PDE5A: variants seen among roughly 807,000 people sequenced by gnomAD.
PDE5A encodes the protein cGMP-specific 3',5'-cyclic phosphodiesterase.
A neutral mutation model predicts 110.2 loss-of-function variants in PDE5A; 67 were observed. The ratio of observed to expected loss-of-function variants is 0.61; its 90% CI spans 0.50 to 0.75. The LOEUF (loss-of-function observed/expected upper bound fraction) is 0.75, where lower values mean the gene tolerates loss of function less well. Among genes scored for constraint, PDE5A ranks in the 30% least tolerant of loss-of-function variants. The pLI, the probability that PDE5A is intolerant of heterozygous loss-of-function variation, is 0.00. For synonymous variants in PDE5A, 328 were observed against 351.2 expected (o/e 0.93, Z 0.74); for missense variants, 862 against 1,045.1 (o/e 0.82, Z 2.42).
chr4:119,583,758 T>A (rs1578799180), intron 3 of PDE5A, among the ~76,000 whole-genome samples: 1 of 152,142 alleles, frequency 6.6e-6, no homozygotes, highest in Admixed American at 6.5e-5. Flanking sequence ...GTGAAAGCTT[T>A]GGTGAAGTAT....
intron 14 of PDE5A, among the ~76,000 whole-genome samples, chr4:119,517,592 T>C (rs1243853913): frequency 6.9e-6 from 1 of 144,842 alleles, no homozygotes; most frequent in East Asian, 2.1e-4. Flanking sequence ...GATGTTTTCT[T>C]TTTCTTTTTC....
Position 119,615,172 on chromosome 4 carries a change from A to G in PDE5A, c.153-7875T>C, listed in dbSNP as rs1455328307. On this transcript the variant is annotated intron_variant, in intron 1 of 20. Coordinates refer to ENST00000354960, the MANE Select transcript of PDE5A (RefSeq NM_001083.4). ...CCACAGTTTGCAGTATGAATAGGAC[A>G]AGAAGTGGTCCTTGGGTCTGTCAAC... Among the ~76,000 whole-genome samples, 4 of 152,192 alleles carry G rather than the reference A, an allele frequency of 2.6e-5. No homozygotes were observed. In the South Asian group the frequency reaches 8.3e-4, roughly 32 times the overall value.
rs199811295 is a variant in PDE5A at position 119,511,097 on chromosome 4, T to C, written c.2038A>G (p.Ile680Val). Residue 680 changes from isoleucine (I) to valine (V), a missense_variant, in exon 15 of 21, where the codon ATC becomes GTC. Physicochemically the swap from Ile to Val is conservative, Grantham distance 29 (BLOSUM62 3). Transcript: ENST00000354960. ...TGGTCAAAATGATGGTGTTCCATGA[T>C]TGAATGGCAGTAAAGCTGGGCAAGT... ...HPLAQLYCHS[I>V]MEHHHFDQCL... 12 of 1,610,834 alleles carry C rather than the reference T, an allele frequency of 7.4e-6. No individual in the cohort carries two copies. Among genetic ancestry groups the C allele is most frequent in the East Asian group, 2.2e-5 (1 of 44,834 alleles).
chr4:119,627,167 G>C lies in PDE5A; in HGVS notation c.152+1353C>G. The C allele has an allele frequency of 6.2e-7, 1 of 1,613,172 alleles. No individual in the cohort carries two copies. Among genetic ancestry groups the C allele is most frequent in the South Asian group, 1.1e-5 (1 of 90,944 alleles). On this transcript the variant is annotated intron_variant, in intron 1 of 20. Coordinates refer to ENST00000354960, the MANE Select transcript of PDE5A (RefSeq NM_001083.4). The surrounding 1 kb of genome is among the most constrained non-coding windows in gnomAD (Gnocchi z 4.6). Reference sequence around the variant, plus strand: ...GGAAGTACCTTGTTTTGTCTCCAAAGGGCAACATAGCAAACGTGGGAAGTT... The same window carrying C: ...GGAAGTACCTTGTTTTGTCTCCAAACGGCAACATAGCAAACGTGGGAAGTT...
intron 7 of PDE5A, among the ~76,000 whole-genome samples, chr4:119,555,155 G>T (rs532767211): frequency 6.6e-6 from 1 of 151,840 alleles, no homozygotes; most frequent in South Asian, 2.1e-4. Flanking sequence ...AAATATTTCA[G>T]TCTTCCCTTT....
At chr4:119,575,661 T>A (rs1425680596) in intron 3 of PDE5A, among the ~76,000 whole-genome samples, 1 of 152,186 alleles carries the variant, frequency 6.6e-6, no homozygotes, top group Non-Finnish European at 1.5e-5. Context: ...CCACCAGGCC[T>A]GCCCTACAAG....
intron 13 of PDE5A, 102 bp from the exon 14 acceptor site, chr4:119,519,241 T>C (rs1726029564): frequency 1.3e-6 from 1 of 790,242 alleles, no homozygotes; most frequent in Non-Finnish European, 2.2e-6. Flanking sequence ...CCTCAGTGCT[T>C]TACATACATA....
At chr4:119,517,242 A>G (rs1055348908) in intron 14 of PDE5A, 1 of 151,498 alleles carries the variant, frequency 6.6e-6, no homozygotes, top group Non-Finnish European at 1.5e-5. Flanking sequence ...TTATTTTTTG[A>G]TTTTCTCTAA....
At chr4:119,622,007 A>T (rs533102946) in intron 1 of PDE5A, among the ~76,000 whole-genome samples, 2 of 150,816 alleles carry the variant, frequency 1.3e-5, no homozygotes, top group Non-Finnish European at 3.0e-5. Flanking sequence ...CATCTCCAAT[A>T]AAAAAAAATA....
chr4:119,515,194 A>C (rs1049482140), intron 14 of PDE5A, among the ~76,000 whole-genome samples: 1 of 152,146 alleles, frequency 6.6e-6, no homozygotes, highest in Non-Finnish European at 1.5e-5. Flanking sequence ...AAGATCTCCA[A>C]CCTGACCAGA....
chr4:119,575,211 T>G (rs138837790), intron 3 of PDE5A, among the ~76,000 whole-genome samples: 2,285 of 152,320 alleles, frequency 0.015, 60 homozygotes, highest in African/African-American at 0.052. Flanking sequence ...TATGTCTGAC[T>G]GGTGTACCTG....
At chr4:119,563,894 C>T (rs1344563751) in intron 5 of PDE5A, among the ~76,000 whole-genome samples, 1 of 151,878 alleles carries the variant, frequency 6.6e-6, no homozygotes, top group Non-Finnish European at 1.5e-5. Flanking sequence ...CTTATTAACA[C>T]AGATTCTAAA....
At chr4:119,621,769 C>T (rs1351502726) in intron 1 of PDE5A, among the ~76,000 whole-genome samples, 4 of 152,206 alleles carry the variant, frequency 2.6e-5, no homozygotes, top group African/African-American at 9.7e-5. Context: ...TGCATCAATT[C>T]TCTATGGGTT....
At chr4:119,595,901 T>C (rs1044510340) in intron 3 of PDE5A, among the ~76,000 whole-genome samples, 68 of 152,210 alleles carry the variant, frequency 4.5e-4, no homozygotes, top group Non-Finnish European at 1.9e-4. Flanking sequence ...TTGGTTGTAA[T>C]ACACAGTCAG....
At chr4:119,516,102 T>G (rs945435762) in intron 14 of PDE5A, among the ~76,000 whole-genome samples, 1 of 152,234 alleles carries the variant, frequency 6.6e-6, no homozygotes, top group Non-Finnish European at 1.5e-5. Flanking sequence ...ATATTTATCC[T>G]TTCTCCTTTC....
At chr4:119,568,030 C>A (rs984315175) in intron 3 of PDE5A, among the ~76,000 whole-genome samples, 2 of 152,068 alleles carry the variant, frequency 1.3e-5, no homozygotes, top group African/African-American at 4.8e-5. Flanking sequence ...AGTATCTTAG[C>A]TTTAAGAAAA....
chr4:119,552,920 A>G (rs1399218692), intron 8 of PDE5A, among the ~76,000 whole-genome samples: 1 of 152,080 alleles, frequency 6.6e-6, no homozygotes, highest in Non-Finnish European at 1.5e-5. Context: ...AAAAATAAGT[A>G]AAAGTACAGT....
chr4:119,518,020 A>C (rs1418896571), intron 14 of PDE5A, among the ~76,000 whole-genome samples: 2 of 152,182 alleles, frequency 1.3e-5, no homozygotes, highest in African/African-American at 4.8e-5. Flanking sequence ...TCTGATACTC[A>C]GGCAAGAGCT....
intron 11 of PDE5A, among the ~76,000 whole-genome samples, chr4:119,537,590 G>C (rs953515222): frequency 6.6e-6 from 1 of 151,844 alleles, no homozygotes; most frequent in Non-Finnish European, 1.5e-5. Context: ...CAGGAGTTCT[G>C]TTCTCAGTCT....
Sources: allele counts gnomAD v4.1 joint callset (sites outside exome capture counted in the v4.1 genomes callset), GRCh38; gene constraint gnomAD v4.1.1; non-coding constraint Gnocchi (gnomAD v3.1); transcripts MANE v1.5; gene names NCBI Gene and HGNC (gene_info 2026-07-23, HGNC 2026-07-21).